APPL2: variants seen among roughly 807,000 people sequenced by gnomAD.
APPL2 encodes DCC-interacting protein 13-beta.
In APPL2, 84 loss-of-function variants were observed where a neutral mutation model predicts 92.7. The ratio of observed to expected loss-of-function variants is 0.91; its 90% CI spans 0.76 to 1.09. The LOEUF (loss-of-function observed/expected upper bound fraction) is 1.09. Ranked by LOEUF, APPL2 falls within the 50% of genes least tolerant of loss-of-function variation. The pLI is 0.00. For synonymous variants in APPL2, 291 were observed against 291.0 expected (o/e 1.00, Z 0.00); for missense variants, 736 against 824.5 (o/e 0.89, Z 1.31).
chr12:105,195,489 T>C lies in APPL2; in HGVS notation c.1108A>G (p.Ile370Val). Residue 370 changes from isoleucine (I) to valine (V), a missense_variant, in exon 13 of 21, where the codon ATA becomes GTA. Ile to Val is a conservative substitution (Grantham distance 29). Transcript: ENST00000258530. ...TAGATCTGTCTGGAGATGTTGTTTA[T>C]TGCACATATCCACTGTAGAGGACAT... is the stretch of plus-strand genomic sequence containing the variant. Reference protein sequence around the residue: ...RKENEEWICAINNISRQIYLT... With the variant: ...RKENEEWICAVNNISRQIYLT... The C allele has an allele frequency of 6.2e-7, 1 of 1,614,176 alleles. No individual in the cohort carries two copies. The highest frequency in any genetic ancestry group is 8.5e-7 in the Non-Finnish European group (1 of 1,180,028).
At chr12:105,220,387 A>G (rs1890009496) in intron 2 of APPL2, among the ~76,000 whole-genome samples, 2 of 152,236 alleles carry the variant, frequency 1.3e-5, no homozygotes, top group Admixed American at 1.3e-4. Flanking sequence ...TCATTCTGAT[A>G]TAACTTTATT....
rs746959162 is a variant in APPL2, at chr12:105,203,801, A to G, written c.622-16T>C. The G allele has an allele frequency of 1.6e-5, 25 of 1,599,906 alleles. No individual in the cohort carries two copies. Among genetic ancestry groups the G allele is most frequent in the Non-Finnish European group, 2.1e-5 (25 of 1,167,190 alleles). On this transcript the variant is annotated splice_polypyrimidine_tract_variant and intron_variant, in intron 8 of 20. Transcript: ENST00000258530. Reference sequence around the variant, plus strand: ...AAAAGTTAATCTGAAAGATATAATTATAATATTCTGAAAATCATCCAGGGA... The same window carrying G: ...AAAAGTTAATCTGAAAGATATAATTGTAATATTCTGAAAATCATCCAGGGA...
At chr12:105,179,211 C>T (rs1885866106) in intron 17 of APPL2, among the ~76,000 whole-genome samples, 1 of 152,164 alleles carries the variant, frequency 6.6e-6, no homozygotes, top group Non-Finnish European at 1.5e-5. Context: ...TGTTCAGCTC[C>T]CACTTATGAG....
chr12:105,224,942 A>T (rs544598917), intron 2 of APPL2, among the ~76,000 whole-genome samples: 1 of 152,148 alleles, frequency 6.6e-6, no homozygotes, highest in African/African-American at 2.4e-5. Context: ...CTTTACCCCA[A>T]TTTGAGAAAA....
At chr12:105,185,997 CT>C (rs977201501) in intron 17 of APPL2, among the ~76,000 whole-genome samples, 3 of 152,218 alleles carry the variant, frequency 2.0e-5, no homozygotes, top group Non-Finnish European at 4.4e-5. Flanking sequence ...TTTGCCTACT[CT>C]GGATATTTCA....
chr12:105,230,785 C>A (rs917705707), intron 1 of APPL2, among the ~76,000 whole-genome samples: 1 of 152,104 alleles, frequency 6.6e-6, no homozygotes, highest in Non-Finnish European at 1.5e-5. Context: ...GTCTTCCGGG[C>A]TAAAAACACC....
chr12:105,224,548 G>T (rs1052020929), intron 2 of APPL2, among the ~76,000 whole-genome samples: 1 of 152,188 alleles, frequency 6.6e-6, no homozygotes, highest in Non-Finnish European at 1.5e-5. Flanking sequence ...TTAAAATTCT[G>T]CCACTCATCA....
chr12:105,184,689 C>T (rs376562024), intron 17 of APPL2, among the ~76,000 whole-genome samples: 27 of 152,304 alleles, frequency 1.8e-4, no homozygotes, highest in African/African-American at 5.3e-4. Flanking sequence ...AGGTGTCTGT[C>T]GATTCCTGCT....
At chr12:105,201,270 G>A (rs1164194914) in intron 9 of APPL2, among the ~76,000 whole-genome samples, 1 of 152,130 alleles carries the variant, frequency 6.6e-6, no homozygotes. Flanking sequence ...GGATGATGAG[G>A]GACTCTACCA....
At position 105,195,647 on chromosome 12, in the gene APPL2, GTAAT is replaced by G; in HGVS notation, c.1053-24_1053-21del. On this transcript the variant is annotated intron_variant, in intron 11 of 20. Transcript: ENST00000258530. ...ATTCCCCTGAAACAAAAGTGTCTAA[GTAAT>G]TAAGTGCTTCCCTGATCTCAGTGAC... is the stretch of plus-strand genomic sequence containing the variant. 1 of 1,613,656 alleles carries G rather than the reference GTAAT, an allele frequency of 6.2e-7. No individual in the cohort carries two copies. The highest frequency in any genetic ancestry group is 8.5e-7 in the Non-Finnish European group (1 of 1,179,792).
chr12:105,234,437 T>G (rs73397656), intron 1 of APPL2, among the ~76,000 whole-genome samples: 3,513 of 152,336 alleles, frequency 0.023, 113 homozygotes, highest in African/African-American at 0.066. Flanking sequence ...CAGTCCTGTC[T>G]ACTTCCTCAC....
At chr12:105,227,980 TCTCCTCTCCTGGCCC>T (rs1890646709) in intron 2 of APPL2, among the ~76,000 whole-genome samples, 1 of 152,184 alleles carries the variant, frequency 6.6e-6, no homozygotes, top group African/African-American at 2.4e-5. Context: ...GTTAGGTGGC[TCTCCTCTCCTGGCCC>T]CTCTAAGGCT....
At chr12:105,197,636 A>AAGGTCAACAATACCCAGATTGGGG (rs1887777737) in intron 11 of APPL2, 129 bp downstream of exon 11, 1 of 1,147,204 alleles carries the variant, frequency 8.7e-7, no homozygotes, top group East Asian at 2.6e-5. Flanking sequence ...ATCCTCCTGA[A>AAGGTCAACAATACCCAGATTGGGG]AGGTCAACAA....
At chr12:105,214,865 G>A (rs1889543687) in intron 4 of APPL2, among the ~76,000 whole-genome samples, 1 of 152,168 alleles carries the variant, frequency 6.6e-6, no homozygotes, top group Admixed American at 6.5e-5. Flanking sequence ...AGAGCTGGAG[G>A]TTGATCACAT....
chr12:105,206,158 C>A (rs2136001801), intron 8 of APPL2, among the ~76,000 whole-genome samples: 1 of 152,300 alleles, frequency 6.6e-6, no homozygotes, highest in East Asian at 1.9e-4. Context: ...CTCTCTCATT[C>A]CCCTTTTTGT....
At position 105,207,121 on chromosome 12, in the gene APPL2, C is replaced by T. The variant is rs551931048; in HGVS notation, c.561G>A (p.Ala187=). Residue 187 remains alanine, a synonymous_variant, in exon 8 of 21, where the codon GCG becomes GCA. Transcript: ENST00000258530. ...TGGCCATTTGCTTTCTGTACTGCAG[C>T]GCGTTGAGGGCACAGTAGTACTGAA... ...SSLQYYCALN[A]LQYRKQMAMM... is the part of the protein sequence containing the mutation. 3.0e-5 allele frequency: 49 copies of T among 1,614,186 alleles called. No individual in the cohort carries two copies. Among genetic ancestry groups the T allele is most frequent in the South Asian group, 2.3e-4 (21 of 91,086 alleles).
chr12:105,208,296 G>T, intron 5 of APPL2, 97 bp from the exon 6 acceptor site: 1 of 1,450,190 alleles, frequency 6.9e-7, no homozygotes, highest in Non-Finnish European at 9.6e-7. Flanking sequence ...GAATATGCGT[G>T]CAAGGGAAGC....
chr12:105,229,479 A>G, intron 1 of APPL2: 3 of 1,018,972 alleles, frequency 2.9e-6, no homozygotes, highest in Non-Finnish European at 3.7e-6. Flanking sequence ...GCCAGTTTTT[A>G]AAAGATTATG....
chr12:105,203,833 C>G (rs965035359), intron 8 of APPL2, 48 bp from the exon 9 acceptor site: 3 of 1,545,184 alleles, frequency 1.9e-6, no homozygotes, highest in African/African-American at 2.7e-5. Flanking sequence ...GGGAAGTGAT[C>G]AGTGAACTCA....
Sources: gnomAD v4.1 joint callset for allele counts (sites outside exome capture counted in the v4.1 genomes callset) on GRCh38, gnomAD v4.1.1 for gene constraint, MANE v1.5 for transcripts, NCBI Gene and HGNC (gene_info 2026-07-23, HGNC 2026-07-21) for gene names.